MED13: variants seen among roughly 807,000 people sequenced by gnomAD.
The protein encoded by MED13 is mediator of RNA polymerase II transcription subunit 13.
Under a neutral mutation model 225.2 loss-of-function variants are expected in MED13, and 23 were observed. The observed-to-expected ratio is 0.10, with a 90% CI of 0.07 to 0.14. The LOEUF is 0.14. Among genes scored for constraint, MED13 ranks in the 10% least tolerant of loss-of-function variants. The pLI, the probability that MED13 is intolerant of heterozygous loss-of-function variation, is 1.00. For synonymous variants in MED13, 942 were observed against 889.2 expected (o/e 1.06, Z -1.06); for missense variants, 2,197 against 2,594.5 (o/e 0.85, Z 3.33).
chr17:62,000,010 C>T (rs911625598), intron 9 of MED13, among the ~76,000 whole-genome samples: 1 of 152,128 alleles, frequency 6.6e-6, no homozygotes, highest in Non-Finnish European at 1.5e-5. Flanking sequence ...TTCAAGGCTG[C>T]AGTGAGCCAT....
chr17:61,961,145 G>T, intron 22 of MED13, 55 bp from the exon 23 acceptor site: 2 of 1,339,576 alleles, frequency 1.5e-6, no homozygotes, highest in Non-Finnish European at 2.1e-6. Flanking sequence ...GAGAAATATT[G>T]CATTTAAAAT....
rs184129286 is a variant in MED13 at position 61,963,335 on chromosome 17, G to T, written c.4845-364C>A. On this transcript the variant is annotated intron_variant, in intron 20 of 29. Transcript: ENST00000397786. ...AACTGAGACAAAGATAGGTCTCTTT[G>T]TCTGAGGCTATCTCAAATAGCTTAC... 6.1e-3 allele frequency among the ~76,000 whole-genome samples: 923 copies of T among 151,140 alleles called. 7 individuals carry two copies. The highest frequency in any genetic ancestry group is 9.7e-3 in the Non-Finnish European group (656 of 67,832).
chr17:62,029,363 T>TG, intron 8 of MED13, 178 bp downstream of exon 8: 1 of 579,852 alleles, frequency 1.7e-6, no homozygotes, highest in Middle Eastern at 3.5e-4. Flanking sequence ...TGAAAGCTTA[T>TG]ATTTACATGT....
At position 62,010,890 on chromosome 17, in the gene MED13, C is replaced by T. The variant is rs1428752540; in HGVS notation, c.1627G>A (p.Val543Met). Residue 543 changes from valine to methionine, a missense_variant, in exon 9 of 30, where the codon GTG (valine) becomes ATG (methionine). Around this residue, in one of 12 missense-constraint regions of MED13, gnomAD observed 884 missense variants for 918.5 expected, o/e 0.96. Coordinates refer to ENST00000397786, the MANE Select transcript of MED13 (RefSeq NM_005121.3). ...PPPLSPHPCD[V>M]VDEGVTKTPS... Reference sequence around the variant, plus strand: ...GTTTTAGTCACTCCTTCATCAACCACATCACAAGGGTGAGGACTAAGTGGG... The same window carrying T: ...GTTTTAGTCACTCCTTCATCAACCATATCACAAGGGTGAGGACTAAGTGGG... 3.7e-6 allele frequency: 6 copies of T among 1,614,100 alleles called. No homozygotes were observed. Among genetic ancestry groups the T allele is most frequent in the South Asian group, 1.1e-5 (1 of 91,060 alleles).
intron 3 of MED13, among the ~76,000 whole-genome samples, chr17:62,036,536 T>TA (rs1245645381): frequency 6.6e-6 from 1 of 152,234 alleles, no homozygotes; most frequent in African/African-American, 2.4e-5. Flanking sequence ...AATTCATCCT[T>TA]AAAAGTTTTT....
chr17:61,950,378 ACT>A (rs1239520625), intron 28 of MED13, among the ~76,000 whole-genome samples: 1 of 151,792 alleles, frequency 6.6e-6, no homozygotes, highest in Non-Finnish European at 1.5e-5. Flanking sequence ...AAATTTAAAA[ACT>A]AGTTGTTTTT....
At chr17:62,042,560 CAA>C (rs377646442) in intron 3 of MED13, among the ~76,000 whole-genome samples, 4 of 60,286 alleles carry the variant, frequency 6.6e-5, no homozygotes, top group Non-Finnish European at 3.5e-5. Flanking sequence ...GGTTTCATCT[CAA>C]AAAAAAAAAA....
intron 2 of MED13, among the ~76,000 whole-genome samples, chr17:62,053,028 T>C (rs1448185279): frequency 2.6e-5 from 4 of 152,210 alleles, no homozygotes; most frequent in Admixed American, 2.6e-4. Flanking sequence ...TGGAAAATAT[T>C]AAACACACTC....
intron 3 of MED13, among the ~76,000 whole-genome samples, chr17:62,042,803 T>G (rs2080864710): frequency 6.6e-6 from 1 of 151,776 alleles, no homozygotes; most frequent in Non-Finnish European, 1.5e-5. Context: ...TTGATAGCTG[T>G]ATGAGCTTGG....
At chr17:62,001,312 T>C (rs1156629692) in intron 9 of MED13, among the ~76,000 whole-genome samples, 1 of 152,186 alleles carries the variant, frequency 6.6e-6, no homozygotes, top group Non-Finnish European at 1.5e-5. Flanking sequence ...ACAGCATCTA[T>C]AACATTCATA....
At position 62,036,424 on chromosome 17, in the gene MED13, T is replaced by C. The variant is rs73336431; in HGVS notation, c.471-816A>G. 6.3e-3 allele frequency among the ~76,000 whole-genome samples: 965 copies of C among 152,278 alleles called. 9 individuals carry two copies. The highest frequency in any genetic ancestry group is 0.022 in the African/African-American group (911 of 41,572). Reference sequence around the variant, plus strand: ...AGTTCCCAAGGACATCAGAGGTATCTTCAAGATACAATTTAGAAGGGTCAA... The same window carrying C: ...AGTTCCCAAGGACATCAGAGGTATCCTCAAGATACAATTTAGAAGGGTCAA... On this transcript the variant is annotated intron_variant, in intron 3 of 29. Coordinates refer to ENST00000397786, the MANE Select transcript of MED13 (RefSeq NM_005121.3).
At chr17:62,044,736 C>T (rs1567998829) in intron 3 of MED13, among the ~76,000 whole-genome samples, 1 of 152,194 alleles carries the variant, frequency 6.6e-6, no homozygotes, top group Non-Finnish European at 1.5e-5. Context: ...GATCTCTGCT[C>T]ACTGCAACCT....
In MED13 at chr17:61,961,603, G is replaced by C; in HGVS notation, c.5241C>G (p.Ala1747=). 1 of 1,613,674 alleles carries C rather than the reference G, an allele frequency of 6.2e-7. No individual in the cohort carries two copies. The highest frequency in any genetic ancestry group is 8.5e-7 in the Non-Finnish European group (1 of 1,179,862). ...GFGPGLAMET[A]LRSPDRPECI... ...ATATACTTACATCAGGACTTCTAAG[G>C]GCAGTTTCCATGGCTAAACCTGGAC... Residue 1747 remains alanine, a synonymous_variant, in exon 22 of 30, where the codon GCC becomes GCG. Transcript: ENST00000397786.
chr17:61,999,825 G>A (rs1012670000), intron 9 of MED13, among the ~76,000 whole-genome samples: 1 of 152,158 alleles, frequency 6.6e-6, no homozygotes. Flanking sequence ...GGGAGGCCAA[G>A]GTAGTAGCAT....
chr17:61,946,298 A>T lies in MED13; in HGVS notation c.*170T>A. 1 of 693,036 alleles carries T rather than the reference A, an allele frequency of 1.4e-6. No individual in the cohort carries two copies. The highest frequency in any genetic ancestry group is 2.3e-6 in the Non-Finnish European group (1 of 432,254). The allele number at this position is 693,036 out of a possible 1,614,324, so 42.9% of individuals were successfully genotyped here. A position where few individuals can be genotyped will look rare whatever the true frequency, so the allele number is the denominator to read the frequency against. Reference sequence around the variant, plus strand: ...AAAGAGTTCAATAGAGTCAATGAAAAATAGCAGGGTTATAGCCCCTCCCCC... The same window carrying T: ...AAAGAGTTCAATAGAGTCAATGAAATATAGCAGGGTTATAGCCCCTCCCCC... On this transcript the variant is annotated 3_prime_UTR_variant, in exon 30 of 30. Transcript: ENST00000397786.
intron 19 of MED13, among the ~76,000 whole-genome samples, chr17:61,966,216 G>A (rs963505118): frequency 1.3e-5 from 2 of 152,142 alleles, no homozygotes; most frequent in African/African-American, 4.8e-5. Flanking sequence ...CCTACCTGAT[G>A]GGATCCCTCA....
At chr17:61,958,483 CG>C (rs2079969040) in intron 23 of MED13, among the ~76,000 whole-genome samples, 2 of 151,998 alleles carry the variant, frequency 1.3e-5, no homozygotes, top group Non-Finnish European at 2.9e-5. Context: ...GGACTACAGG[CG>C]TGTACGACCA....
At chr17:62,034,873 C>G (rs2080789108) in intron 4 of MED13, among the ~76,000 whole-genome samples, 1 of 151,912 alleles carries the variant, frequency 6.6e-6, no homozygotes, top group African/African-American at 2.4e-5. Flanking sequence ...AATCCCAGCA[C>G]TTTGGGAGGC....
intron 23 of MED13, among the ~76,000 whole-genome samples, chr17:61,959,235 G>A (rs1225188095): frequency 5.9e-5 from 9 of 151,396 alleles, no homozygotes; most frequent in African/African-American, 1.7e-4. Flanking sequence ...GGCTGGTCTC[G>A]AACTCCTGAC....
Sources: allele counts gnomAD v4.1 joint callset (sites outside exome capture counted in the v4.1 genomes callset), GRCh38; gene constraint gnomAD v4.1.1; regional missense constraint gnomAD v4.1.1; transcripts MANE v1.5; gene names NCBI Gene and HGNC (gene_info 2026-07-23, HGNC 2026-07-21).